IL5RA: variants seen among roughly 807,000 people sequenced by gnomAD.
The protein encoded by IL5RA is interleukin 5 receptor subunit alpha, also known as interleukin-5 receptor subunit alpha.
In IL5RA, 49 loss-of-function variants were observed where a neutral mutation model predicts 50.0. That is an observed-to-expected ratio of 0.98 (90% confidence interval 0.78 to 1.24). The LOEUF (loss-of-function observed/expected upper bound fraction) is 1.24, where lower values mean the gene tolerates loss of function less well. Among genes scored for constraint, IL5RA ranks in the 50% most tolerant of loss-of-function variants. The pLI, the probability that IL5RA is intolerant of heterozygous loss-of-function variation, is 0.00. For synonymous variants in IL5RA, 202 were observed against 174.0 expected (o/e 1.16, Z -1.26); for missense variants, 600 against 500.4 (o/e 1.20, Z -1.90).
intron 6 of IL5RA, 34 bp from the exon 7 acceptor site, chr3:3,098,091 G>T: frequency 3.1e-6 from 5 of 1,613,984 alleles, no homozygotes; most frequent in Non-Finnish European, 4.2e-6. Context: ...TTATGAGGTT[G>T]CAGGAAACAA....
At chr3:3,073,007 C>T (rs935034306) in intron 11 of IL5RA, among the ~76,000 whole-genome samples, 5 of 152,118 alleles carry the variant, frequency 3.3e-5, no homozygotes, top group African/African-American at 1.2e-4. Context: ...AAAGCTCCAC[C>T]CTGGGGCCCA....
chr3:3,087,238 T>TA (rs17885555), intron 9 of IL5RA, among the ~76,000 whole-genome samples: 2,056 of 152,298 alleles, frequency 0.013, 17 homozygotes, highest in East Asian at 0.036. Context: ...GTTTTTAATT[T>TA]AAAAAATTCC....
chr3:3,092,400 C>T lies in IL5RA; in HGVS notation c.856-38G>A. On this transcript the variant is annotated intron_variant, in intron 8 of 11. Coordinates refer to ENST00000446632, the MANE Select transcript of IL5RA (RefSeq NM_175726.4). The surrounding 1 kb of genome is among the most constrained non-coding windows in gnomAD (Gnocchi z 4.2). ...AGATAGCATTAGAAGAATCTCTAGA[C>T]ACCTAATTTAGTTCTGCCGATTATC... 1.3e-6 allele frequency: 2 copies of T among 1,598,186 alleles called. No individual in the cohort carries two copies. The highest frequency in any genetic ancestry group is 1.7e-6 in the Non-Finnish European group (2 of 1,171,376).
chr3:3,077,603 T>C (rs1388715482), intron 9 of IL5RA, among the ~76,000 whole-genome samples: 1 of 152,172 alleles, frequency 6.6e-6, no homozygotes, highest in African/African-American at 2.4e-5. Context: ...ATCCCATCTC[T>C]ACTAAAAATA....
At chr3:3,087,846 T>C (rs563126718) in intron 9 of IL5RA, among the ~76,000 whole-genome samples, 72 of 152,352 alleles carry the variant, frequency 4.7e-4, no homozygotes, top group African/African-American at 1.7e-3. Flanking sequence ...AAAAGAGCCA[T>C]GCAAAATGTC....
intron 9 of IL5RA, among the ~76,000 whole-genome samples, chr3:3,090,617 A>G (rs1703050770): frequency 7.9e-6 from 1 of 126,582 alleles, no homozygotes; most frequent in Admixed American, 1.0e-4. Context: ...CCCGGGCTGG[A>G]GTGCAGTGGT....
intron 9 of IL5RA, among the ~76,000 whole-genome samples, chr3:3,079,493 T>G (rs1197242388): frequency 1.3e-5 from 2 of 152,172 alleles, no homozygotes; most frequent in Non-Finnish European, 2.9e-5. Flanking sequence ...ACCCAGTGAT[T>G]AGTGCCGGAC....
In IL5RA at chr3:3,104,831, G is replaced by A. The variant is rs1044514663; in HGVS notation, c.82+72C>T. 15 of 919,912 alleles carry A rather than the reference G, an allele frequency of 1.6e-5. No individual in the cohort carries two copies. In the Admixed American group the frequency reaches 2.5e-4, roughly 15 times the overall value. The allele number at this position is 919,912 out of a possible 1,614,324, so 57.0% of individuals were successfully genotyped here. On this transcript the variant is annotated intron_variant, in intron 3 of 11. Coordinates refer to ENST00000446632, the MANE Select transcript of IL5RA (RefSeq NM_175726.4). Reference sequence around the variant, plus strand: ...TAATGTTCTAATCGACAGTTTAAGAGGAAATAATGTTATCCTTTTACTAAC... The same window carrying A: ...TAATGTTCTAATCGACAGTTTAAGAAGAAATAATGTTATCCTTTTACTAAC...
At chr3:3,103,995 T>C (rs1575010861) in intron 3 of IL5RA, among the ~76,000 whole-genome samples, 1 of 152,204 alleles carries the variant, frequency 6.6e-6, no homozygotes. Context: ...GCATTGTCCA[T>C]TACGGTAGCC....
chr3:3,098,986 T>C (rs903368116), intron 5 of IL5RA, among the ~76,000 whole-genome samples: 12 of 152,208 alleles, frequency 7.9e-5, no homozygotes, highest in African/African-American at 2.7e-4. Flanking sequence ...CTCTGTGTTT[T>C]CAACTGTAAA....
chr3:3,105,350 T>C lies in IL5RA; in HGVS notation c.-3-363A>G, dbSNP rs529333543. On this transcript the variant is annotated intron_variant, in intron 2 of 11. Transcript: ENST00000446632. Reference sequence around the variant, plus strand: ...GACATGCCTGGTGGAACCCAAGGTATGTGCAAAGCTGGAAGAGAAGGAAAC... The same window carrying C: ...GACATGCCTGGTGGAACCCAAGGTACGTGCAAAGCTGGAAGAGAAGGAAAC... 3 of 158,996 alleles carry C rather than the reference T, an allele frequency of 1.9e-5. No homozygotes were observed. The South Asian group carries it at 5.8e-4, about 31-fold the overall frequency. The allele number at this position is 158,996 out of a possible 1,614,324, so 9.8% of individuals were successfully genotyped here. A position where few individuals can be genotyped will look rare whatever the true frequency, so the allele number is the denominator to read the frequency against.
intron 9 of IL5RA, chr3:3,090,344 G>T: frequency 1.1e-6 from 1 of 929,112 alleles, no homozygotes; most frequent in Non-Finnish European, 1.7e-6. Context: ...TCTATGTAAG[G>T]CTCCAGTCTT....
Position 3,068,621 on chromosome 3 carries a change from T to C in IL5RA, c.*1604A>G, listed in dbSNP as rs1702202642. ...AAAAAAAAAAAAACAAAAACAGGTTTGAGATTATGAATCATTTGAGTGACC... is the reference window on the plus strand; with the variant it reads ...AAAAAAAAAAAAACAAAAACAGGTTCGAGATTATGAATCATTTGAGTGACC... On this transcript the variant is annotated 3_prime_UTR_variant, in exon 12 of 12. Transcript: ENST00000446632. 6.9e-6 allele frequency: 1 copy of C among 144,758 alleles called. No individual in the cohort carries two copies. The highest frequency in any genetic ancestry group is 2.1e-4 in the South Asian group (1 of 4,752). The allele number at this position is 144,758 out of a possible 1,614,324, so 9.0% of individuals were successfully genotyped here. A position where few individuals can be genotyped will look rare whatever the true frequency, so the allele number is the denominator to read the frequency against.
chr3:3,106,817 G>T (rs1301732929), intron 2 of IL5RA, among the ~76,000 whole-genome samples: 1 of 152,052 alleles, frequency 6.6e-6, no homozygotes, highest in Non-Finnish European at 1.5e-5. Context: ...TTCAATAATA[G>T]GAATTCTAGG....
At position 3,069,918 on chromosome 3, in the gene IL5RA, G is replaced by A; in HGVS notation, c.*307C>T. 4.1e-6 allele frequency: 1 copy of A among 242,916 alleles called. No individual in the cohort carries two copies. 15.0% of individuals were successfully genotyped at this position (242,916 alleles called of 1,614,324 possible). Reference sequence around the variant, plus strand: ...AAAAGCTGTCTGTTGTGAATGAAAAGTCTGAGGTGAGTCAAGCAAATTGCA... The same window carrying A: ...AAAAGCTGTCTGTTGTGAATGAAAAATCTGAGGTGAGTCAAGCAAATTGCA... On this transcript the variant is annotated 3_prime_UTR_variant, in exon 12 of 12. Transcript: ENST00000446632.
intron 11 of IL5RA, among the ~76,000 whole-genome samples, chr3:3,070,600 T>A (rs1157733650): frequency 7.3e-5 from 9 of 123,010 alleles, no homozygotes; most frequent in Non-Finnish European, 1.2e-4. Flanking sequence ...TTTTTTTTTT[T>A]AGACAGAGTC....
intron 7 of IL5RA, among the ~76,000 whole-genome samples, chr3:3,095,928 G>A (rs1340250051): frequency 6.6e-6 from 1 of 152,104 alleles, no homozygotes; most frequent in African/African-American, 2.4e-5. Flanking sequence ...TGCGTCTTTT[G>A]GTTTTTGTTT....
At position 3,086,032 on chromosome 3, in the gene IL5RA, C is replaced by T. The variant is rs535807212; in HGVS notation, c.994+6192G>A. 6.6e-5 allele frequency among the ~76,000 whole-genome samples: 10 copies of T among 152,168 alleles called. 1 individual carries two copies. Among genetic ancestry groups the T allele is most frequent in the South Asian group, 4.2e-4 (2 of 4,814 alleles). On this transcript the variant is annotated intron_variant, in intron 9 of 11. Coordinates refer to ENST00000446632, the MANE Select transcript of IL5RA (RefSeq NM_175726.4). ...TAGGTGCCATACATCTCAAGACTAA[C>T]GAAAGTCAAATTTGGGCCATCAAAT...
Position 3,092,850 on chromosome 3 carries a change from C to A in IL5RA, c.856-488G>T, listed in dbSNP as rs1703188300. 6.6e-6 allele frequency among the ~76,000 whole-genome samples: 1 copy of A among 152,200 alleles called. No individual in the cohort carries two copies. Among genetic ancestry groups the A allele is most frequent in the African/African-American group, 2.4e-5 (1 of 41,464 alleles). On this transcript the variant is annotated intron_variant, in intron 8 of 11. Coordinates refer to ENST00000446632, the MANE Select transcript of IL5RA (RefSeq NM_175726.4). This position sits in a 1 kb window ranked among gnomAD's most constrained non-coding sequence, Gnocchi z 4.2. ...GCTAGTCCCCTGTACCAGAGATGTG[C>A]TCCTGACACCTGTATCTTGAATACC...
Sources: allele counts gnomAD v4.1 joint callset (sites outside exome capture counted in the v4.1 genomes callset), GRCh38; gene constraint gnomAD v4.1.1; non-coding constraint Gnocchi (gnomAD v3.1); transcripts MANE v1.5; gene names NCBI Gene and HGNC (gene_info 2026-07-23, HGNC 2026-07-21).